LRRC4C: variants seen among roughly 807,000 people sequenced by gnomAD.
LRRC4C encodes leucine-rich repeat-containing protein 4C.
Under a neutral mutation model 33.6 loss-of-function variants are expected in LRRC4C, and 5 were observed. That is an observed-to-expected ratio of 0.15 (90% CI 0.08 to 0.31). LRRC4C has a LOEUF of 0.31. Ranked by LOEUF, LRRC4C falls within the 10% of genes least tolerant of loss-of-function variation. The pLI, the probability that LRRC4C is intolerant of heterozygous loss-of-function variation, is 1.00. For missense variants in LRRC4C, 560 were observed against 796.7 expected (o/e 0.70, Z 3.58); for synonymous variants, 329 against 302.0 (o/e 1.09, Z -0.93).
At chr11:41,445,303 C>T (rs1192475208) in intron 1 of LRRC4C, among the ~76,000 whole-genome samples, 1 of 152,140 alleles carries the variant, frequency 6.6e-6, no homozygotes, top group East Asian at 1.9e-4. Flanking sequence ...CCCTTCTCCC[C>T]AGAGCTTATT....
intron 1 of LRRC4C, among the ~76,000 whole-genome samples, chr11:41,190,091 C>T (rs990041982): frequency 5.9e-5 from 9 of 152,110 alleles, no homozygotes; most frequent in Admixed American, 2.0e-4. Context: ...ACTGTAAAAA[C>T]GGACATTCAT....
At chr11:40,228,193 T>A (rs778144781) in intron 5 of LRRC4C, among the ~76,000 whole-genome samples, 2 of 152,332 alleles carry the variant, frequency 1.3e-5, no homozygotes, top group Middle Eastern at 3.4e-3. Context: ...AGCAGAGAGT[T>A]ACAGTTACGT....
chr11:40,278,317 C>T (rs188940759), intron 4 of LRRC4C, among the ~76,000 whole-genome samples: 8 of 152,204 alleles, frequency 5.3e-5, no homozygotes, highest in Admixed American at 5.2e-4. Context: ...TCTGGAATGG[C>T]GTATGTCACT....
rs564634435 is a variant in LRRC4C, at chr11:40,318,922, T to A, written c.-176+706A>T. Among the ~76,000 whole-genome samples, 4 of 152,190 alleles carry A rather than the reference T, an allele frequency of 2.6e-5. No homozygotes were observed. In the East Asian group the frequency reaches 7.7e-4, roughly 29 times the overall value. On this transcript the variant is annotated intron_variant, in intron 4 of 6. Transcript: ENST00000528697. ...ACTTCTAATAGGAAGGTGGAAAAAA[T>A]TTTGCCTAGAATATTTCTTCTTAAA...
chr11:41,449,449 T>C (rs1226045693), intron 1 of LRRC4C, among the ~76,000 whole-genome samples: 9 of 151,492 alleles, frequency 5.9e-5, no homozygotes, highest in Admixed American at 5.9e-4. Context: ...GTAAGAAGGG[T>C]AGGAAAAAAG....
At chr11:41,009,245 AAT>A (rs925855325) in intron 1 of LRRC4C, among the ~76,000 whole-genome samples, 2 of 151,594 alleles carry the variant, frequency 1.3e-5, no homozygotes, top group African/African-American at 4.8e-5. Context: ...ATATATTTTG[AAT>A]ATATATATAT....
chr11:40,431,137 T>TAAA (rs750121954), intron 3 of LRRC4C, among the ~76,000 whole-genome samples: 4 of 130,946 alleles, frequency 3.1e-5, no homozygotes, highest in Non-Finnish European at 3.3e-5. Context: ...CATTGTACTT[T>TAAA]AAAAAAAAAA....
chr11:40,438,295 T>C (rs1951230355), intron 3 of LRRC4C, among the ~76,000 whole-genome samples: 1 of 152,222 alleles, frequency 6.6e-6, no homozygotes, highest in African/African-American at 2.4e-5. Flanking sequence ...AGTAAGTCCT[T>C]CCTTGACTGT....
rs188219450 is a variant in LRRC4C, at chr11:40,909,640, A to C, written c.-407+23995T>G. On this transcript the variant is annotated intron_variant, in intron 2 of 6. Transcript: ENST00000528697. ...AATGAGTTATTATCTTCTCTTGATC[A>C]GTTATATTATGTATATTATGTAACT... 2.7e-3 allele frequency among the ~76,000 whole-genome samples: 418 copies of C among 152,214 alleles called. 5 individuals carry two copies. Among genetic ancestry groups the C allele is most frequent in the African/African-American group, 9.6e-3 (400 of 41,560 alleles).
At chr11:40,267,383 G>T (rs762993194) in intron 4 of LRRC4C, among the ~76,000 whole-genome samples, 3 of 152,154 alleles carry the variant, frequency 2.0e-5, no homozygotes, top group Non-Finnish European at 2.9e-5. Context: ...ACAGAGTCTT[G>T]CTCTGTCACC....
At chr11:40,910,683 T>C (rs940445933) in intron 2 of LRRC4C, among the ~76,000 whole-genome samples, 2 of 151,284 alleles carry the variant, frequency 1.3e-5, no homozygotes, top group African/African-American at 2.4e-5. Flanking sequence ...TCACTGGGGA[T>C]TGTCAGACAG....
At chr11:41,429,845 T>A (rs1465198832) in intron 1 of LRRC4C, among the ~76,000 whole-genome samples, 1 of 151,854 alleles carries the variant, frequency 6.6e-6, no homozygotes, top group East Asian at 1.9e-4. Context: ...AAAATAAAAT[T>A]AAAAGAAAAT....
intron 1 of LRRC4C, among the ~76,000 whole-genome samples, chr11:41,199,206 C>T (rs1219074691): frequency 1.3e-5 from 2 of 152,008 alleles, no homozygotes; most frequent in Non-Finnish European, 2.9e-5. Flanking sequence ...GGTGAGTATT[C>T]CTGAGTTTGT....
At chr11:40,703,715 G>T (rs1229711054) in intron 2 of LRRC4C, among the ~76,000 whole-genome samples, 1 of 152,152 alleles carries the variant, frequency 6.6e-6, no homozygotes, top group Non-Finnish European at 1.5e-5. Flanking sequence ...TACTAGTCAT[G>T]GTGACTTAGA....
chr11:40,565,760 C>T (rs1373610352), intron 3 of LRRC4C, among the ~76,000 whole-genome samples: 1 of 151,946 alleles, frequency 6.6e-6, no homozygotes, highest in Non-Finnish European at 1.5e-5. Flanking sequence ...AACAGGTATA[C>T]CACCTAAAGG....
intron 1 of LRRC4C, among the ~76,000 whole-genome samples, chr11:41,155,341 A>G (rs1944179816): frequency 6.6e-6 from 1 of 152,140 alleles, no homozygotes; most frequent in Admixed American, 6.6e-5. Context: ...CTTAGCAAGA[A>G]CATATTTTAC....
intron 1 of LRRC4C, among the ~76,000 whole-genome samples, chr11:41,169,844 G>A (rs1944893225): frequency 6.6e-6 from 1 of 152,032 alleles, no homozygotes; most frequent in East Asian, 1.9e-4. Flanking sequence ...GTTTAACACA[G>A]GAAAACCGTG....
chr11:40,381,055 G>T (rs548704558), intron 3 of LRRC4C, among the ~76,000 whole-genome samples: 99 of 152,242 alleles, frequency 6.5e-4, no homozygotes, highest in Non-Finnish European at 1.0e-3. Context: ...CATTGGCCAA[G>T]AATCTTATGA....
intron 1 of LRRC4C, among the ~76,000 whole-genome samples, chr11:41,062,624 T>C (rs1937873170): frequency 6.6e-6 from 1 of 152,214 alleles, no homozygotes; most frequent in Non-Finnish European, 1.5e-5. Flanking sequence ...AATGAACTTA[T>C]AACAATATTG....
Sources: allele counts gnomAD v4.1 joint callset (sites outside exome capture counted in the v4.1 genomes callset), GRCh38; gene constraint gnomAD v4.1.1; transcripts MANE v1.5; gene names NCBI Gene and HGNC (gene_info 2026-07-23, HGNC 2026-07-21).